The following MYO9A variants were observed in gnomAD, a reference collection of about 807,000 sequenced individuals.
MYO9A encodes the protein unconventional myosin-IXa.
A neutral mutation model predicts 293.3 loss-of-function variants in MYO9A; 103 were observed. The ratio of observed to expected loss-of-function variants is 0.35; its 90% confidence interval spans 0.30 to 0.41. MYO9A has a LOEUF of 0.41. Ranked by LOEUF, MYO9A falls within the 10% of genes least tolerant of loss-of-function variation. MYO9A has a pLI of 1.00. For synonymous variants in MYO9A, 1,001 were observed against 1,035.7 expected, an observed-to-expected ratio of 0.97 and a Z score of 0.64; for missense variants, 2,685 against 3,033.0, an observed-to-expected ratio of 0.89 and a Z score of 2.69.
At chr15:71,931,818 C>T (rs2058483559) in intron 18 of MYO9A, among the ~76,000 whole-genome samples, 8 of 152,144 alleles carry the variant, frequency 5.3e-5, no homozygotes, top group Admixed American at 5.2e-4. Flanking sequence ...ATAGCTTCTC[C>T]CAATCTTGTT....
At chr15:71,843,010 A>G (rs1397087375) in intron 39 of MYO9A, among the ~76,000 whole-genome samples, 2 of 152,160 alleles carry the variant, frequency 1.3e-5, no homozygotes, top group African/African-American at 2.4e-5. Context: ...GCTCTGAGAC[A>G]GCTTAAATTA....
chr15:71,999,851 C>T lies in MYO9A; in HGVS notation c.1470G>A (p.Glu490=). 1.2e-6 allele frequency: 2 copies of T among 1,610,058 alleles called. No homozygotes were observed. The highest frequency in any genetic ancestry group is 8.5e-7 in the Non-Finnish European group (1 of 1,177,700). The change falls in exon 9 of 42, where the codon GAG becomes GAA. Residue 490 remains glutamate, a splice_region_variant and synonymous_variant. Transcript: ENST00000356056. ...EKLILPYKLA[E]AVTVRNSMAK... ...TCATTTCAAAGAAAATCCATCATAC[C>T]TCTGCCAACTTGTATGGCAAAATAA...
chr15:71,883,914 G>A (rs2056948292), intron 27 of MYO9A, among the ~76,000 whole-genome samples, 178 bp from the exon 28 acceptor site: 1 of 135,520 alleles, frequency 7.4e-6, no homozygotes, highest in Non-Finnish European at 1.6e-5. Context: ...ACTGAAAGGC[G>A]AAAAATTATT....
At chr15:72,099,956 A>C (rs1263012115) in intron 1 of MYO9A, among the ~76,000 whole-genome samples, 1 of 151,640 alleles carries the variant, frequency 6.6e-6, no homozygotes, top group African/African-American at 2.4e-5. Flanking sequence ...GAATGGAAAA[A>C]GGGATAAAAA....
intron 18 of MYO9A, among the ~76,000 whole-genome samples, chr15:71,931,472 G>C (rs568279242): frequency 6.6e-6 from 1 of 152,200 alleles, no homozygotes; most frequent in East Asian, 1.9e-4. Context: ...AGTCTTGTGG[G>C]GGACCCTTGT....
rs563051306 is a variant in MYO9A at position 72,053,175 on chromosome 15, G to A, written c.-71-6541C>T. ...AGCACTTTGGGAGGCCAAGGCAGGCGGATCACTTAAGGTCAGGAGATCGAG... is the reference window on the plus strand; with the variant it reads ...AGCACTTTGGGAGGCCAAGGCAGGCAGATCACTTAAGGTCAGGAGATCGAG... On this transcript the variant is annotated intron_variant, in intron 1 of 41. Coordinates refer to ENST00000356056, the MANE Select transcript of MYO9A (RefSeq NM_006901.4). Among the ~76,000 whole-genome samples, 39 of 152,206 alleles carry A rather than the reference G, an allele frequency of 2.6e-4. No individual in the cohort carries two copies. In the East Asian group the frequency reaches 3.1e-3, roughly 12 times the overall value.
chr15:71,934,709 T>C (rs1396428610), intron 17 of MYO9A, among the ~76,000 whole-genome samples: 3 of 150,006 alleles, frequency 2.0e-5, no homozygotes, highest in Non-Finnish European at 4.4e-5. Context: ...CAACTGATCC[T>C]CCTACCTCAG....
intron 14 of MYO9A, among the ~76,000 whole-genome samples, chr15:71,956,330 A>ATTATATATATATATATATAT (rs1555490831): frequency 2.6e-5 from 2 of 75,582 alleles, no homozygotes; most frequent in South Asian, 4.9e-4. Flanking sequence ...AAAAAAAAAA[A>ATTATATATATATATATATAT]ATATATATAT....
chr15:71,994,443 CAT>C (rs1371256511), intron 10 of MYO9A, 24 bp downstream of exon 10: 1 of 1,395,720 alleles, frequency 7.2e-7, no homozygotes, highest in Non-Finnish European at 9.8e-7. Flanking sequence ...CAGGGAAAAA[CAT>C]ATTATAATCC....
intron 14 of MYO9A, among the ~76,000 whole-genome samples, chr15:71,956,330 A>ATTTATATAT (rs1555490831): frequency 2.6e-5 from 2 of 75,584 alleles, no homozygotes; most frequent in Non-Finnish European, 4.6e-5. Flanking sequence ...AAAAAAAAAA[A>ATTTATATAT]ATATATATAT....
chr15:72,005,914 A>G (rs1199910777), intron 8 of MYO9A, among the ~76,000 whole-genome samples: 3 of 152,230 alleles, frequency 2.0e-5, no homozygotes, highest in Non-Finnish European at 4.4e-5. Flanking sequence ...TGGAAGATGA[A>G]TAATATTTTT....
intron 27 of MYO9A, among the ~76,000 whole-genome samples, chr15:71,886,984 G>T (rs964759530): frequency 1.3e-5 from 2 of 151,986 alleles, no homozygotes; most frequent in Non-Finnish European, 2.9e-5. Context: ...ACATAATCTT[G>T]TAAGTTTTCT....
At chr15:72,063,864 G>A (rs1382133619) in intron 1 of MYO9A, among the ~76,000 whole-genome samples, 2 of 152,150 alleles carry the variant, frequency 1.3e-5, no homozygotes, top group African/African-American at 4.8e-5. Context: ...CGTGTTTACT[G>A]CAGCACTATT....
chr15:71,979,053 T>C lies in MYO9A; in HGVS notation c.1723-761A>G, dbSNP rs183859631. 4.5e-4 allele frequency among the ~76,000 whole-genome samples: 68 copies of C among 152,312 alleles called. No homozygotes were observed. The East Asian group carries it at 0.01, about 23-fold the overall frequency. On this transcript the variant is annotated intron_variant, in intron 11 of 41. Coordinates refer to ENST00000356056, the MANE Select transcript of MYO9A (RefSeq NM_006901.4). The stretch of plus-strand genomic sequence containing the variant: ...AAATATCCCATGTACCTAATTGTTT[T>C]AGCATTCACTTACAGTACTTGCAGC...
chr15:71,956,806 T>C (rs1355943398), intron 14 of MYO9A, among the ~76,000 whole-genome samples: 2 of 149,198 alleles, frequency 1.3e-5, no homozygotes, highest in East Asian at 1.9e-4. Flanking sequence ...ATGTATGCTA[T>C]ATATATATGC....
chr15:72,035,189 C>G (rs1480541402), intron 2 of MYO9A, among the ~76,000 whole-genome samples: 1 of 152,182 alleles, frequency 6.6e-6, no homozygotes, highest in African/African-American at 2.4e-5. Flanking sequence ...TAGAACAACT[C>G]TGGAAGACAA....
intron 18 of MYO9A, among the ~76,000 whole-genome samples, chr15:71,916,920 C>A (rs2058027205): frequency 1.3e-5 from 2 of 152,172 alleles, no homozygotes. Context: ...TTTGTGTTGT[C>A]ATCACAACTA....
At chr15:71,875,472 T>C (rs1299998618) in intron 32 of MYO9A, among the ~76,000 whole-genome samples, 1 of 152,198 alleles carries the variant, frequency 6.6e-6, no homozygotes, top group East Asian at 1.9e-4. Flanking sequence ...TGTAAAATCC[T>C]AAATAACCCC....
chr15:72,079,496 G>A (rs1301871807), intron 1 of MYO9A, among the ~76,000 whole-genome samples: 3 of 152,114 alleles, frequency 2.0e-5, no homozygotes, highest in East Asian at 1.9e-4. Context: ...AAAGGATACA[G>A]TATAATATGC....
Sources: gnomAD v4.1 joint callset for allele counts (sites outside exome capture counted in the v4.1 genomes callset) on GRCh38, gnomAD v4.1.1 for gene constraint, MANE v1.5 for transcripts, NCBI Gene and HGNC (gene_info 2026-07-23, HGNC 2026-07-21) for gene names.